Variants in SCARB2 observed in about 807,000 individuals in gnomAD.
The protein encoded by SCARB2 is scavenger receptor class B member 2, also known as lysosome membrane protein 2.
In SCARB2, 29 loss-of-function variants were observed where a neutral mutation model predicts 58.6. That is an observed-to-expected ratio of 0.49 (90% CI 0.37 to 0.67). The LOEUF is 0.67. Ranked by LOEUF, SCARB2 falls within the 30% of genes least tolerant of loss-of-function variation. SCARB2 has a pLI of 0.00. For missense variants in SCARB2, 488 were observed against 578.5 expected, an observed-to-expected ratio of 0.84 and a Z score of 1.60; for synonymous variants, 195 against 210.1, an observed-to-expected ratio of 0.93 and a Z score of 0.62.
In SCARB2 at chr4:76,161,728, G is replaced by A; in HGVS notation, c.1422C>T (p.Pro474=). 1.2e-6 allele frequency: 2 copies of A among 1,614,136 alleles called. No individual in the cohort carries two copies. Among genetic ancestry groups the A allele is most frequent in the Non-Finnish European group, 1.7e-6 (2 of 1,180,032 alleles). The change falls in exon 12 of 12, where the codon CCC becomes CCT. Residue 474 remains proline (P), a synonymous_variant. Transcript: ENST00000264896. ...MDEGTADERA[P]LIRT The stretch of plus-strand genomic sequence containing the variant: ...AAGGCAATGTTTAGGTTCGAATGAG[G>A]GGTGCTCTTTCATCCGCTGTTCCCT...
chr4:76,229,817 A>G (rs901925358), intron 1 of SCARB2, among the ~76,000 whole-genome samples: 5 of 152,184 alleles, frequency 3.3e-5, no homozygotes, highest in African/African-American at 1.2e-4. Context: ...GATGCTGGTT[A>G]TGCTAGCAGT....
At chr4:76,186,997 CTT>C (rs2109953839) in intron 2 of SCARB2, among the ~76,000 whole-genome samples, 1 of 151,830 alleles carries the variant, frequency 6.6e-6, no homozygotes, top group South Asian at 2.1e-4. Context: ...TTTGTTGTCT[CTT>C]TATGTTAAAA....
chr4:76,169,835 T>C (rs1382943808), intron 8 of SCARB2, 32 bp downstream of exon 8: 9 of 1,494,590 alleles, frequency 6.0e-6, no homozygotes, highest in Admixed American at 1.7e-5. Context: ...ATAAAACATA[T>C]GCTCTTTTAC....
intron 4 of SCARB2, among the ~76,000 whole-genome samples, chr4:76,177,882 G>A (rs1288481472): frequency 6.6e-6 from 1 of 152,188 alleles, no homozygotes; most frequent in Non-Finnish European, 1.5e-5. Context: ...GAGTAAGACA[G>A]GAATAGGAGT....
chr4:76,231,480 T>C (rs550277602), intron 1 of SCARB2, among the ~76,000 whole-genome samples: 22 of 152,278 alleles, frequency 1.4e-4, no homozygotes, highest in African/African-American at 5.1e-4. Context: ...AAATATATGA[T>C]AGGTTTTGAA....
At chr4:76,215,942 A>G (rs150563545), upstream of SCARB2, among the ~76,000 whole-genome samples, 955 of 152,304 alleles carry the variant, frequency 6.3e-3, 5 homozygotes, top group Middle Eastern at 0.031. Context: ...TAGGTTACTC[A>G]GTAGATAACT....
intron 1 of SCARB2, among the ~76,000 whole-genome samples, chr4:76,212,477 T>C (rs778404455): frequency 1.6e-4 from 24 of 152,230 alleles, no homozygotes; most frequent in Non-Finnish European, 3.4e-4. Flanking sequence ...TGATTCAAAG[T>C]AGACTAGGCC....
chr4:76,218,943 A>G (rs555578383), intron 1 of SCARB2, among the ~76,000 whole-genome samples: 45 of 152,310 alleles, frequency 3.0e-4, no homozygotes, highest in African/African-American at 1.0e-3. Flanking sequence ...ACAATGCCCT[A>G]TGATGTAGAC....
chr4:76,223,821 A>G (rs866466935), intron 1 of SCARB2, among the ~76,000 whole-genome samples: 23 of 151,882 alleles, frequency 1.5e-4, no homozygotes, highest in African/African-American at 5.6e-4. Context: ...CACTAAAAGG[A>G]GAGTGTCCCT....
intron 1 of SCARB2, among the ~76,000 whole-genome samples, chr4:76,197,673 G>A (rs1158207500): frequency 6.6e-6 from 1 of 152,138 alleles, no homozygotes; most frequent in Non-Finnish European, 1.5e-5. Flanking sequence ...ATGGAGAAAA[G>A]CCTTGTATTT....
chr4:76,186,800 A>G (rs1047284961), intron 2 of SCARB2, among the ~76,000 whole-genome samples: 1 of 150,238 alleles, frequency 6.7e-6, no homozygotes, highest in African/African-American at 2.4e-5. Context: ...ATCTTTTTCT[A>G]TTTTTTTTTA....
intron 7 of SCARB2, among the ~76,000 whole-genome samples, chr4:76,170,254 GAAGTTA>G (rs1732100939): frequency 6.6e-6 from 1 of 152,054 alleles, no homozygotes; most frequent in Non-Finnish European, 1.5e-5. Context: ...AATATTTACT[GAAGTTA>G]AAGTATAAGT....
intron 10 of SCARB2, chr4:76,163,753 C>T (rs1436023914): frequency 3.0e-6 from 1 of 337,904 alleles, no homozygotes; most frequent in Non-Finnish European, 5.7e-6. Flanking sequence ...TAGTCAAAGG[C>T]CTCCTCCCTA....
intron 1 of SCARB2, among the ~76,000 whole-genome samples, chr4:76,233,197 C>T (rs1733522235): frequency 1.3e-5 from 2 of 152,092 alleles, no homozygotes; most frequent in African/African-American, 4.8e-5. Flanking sequence ...AATTTAAAAC[C>T]TGGTAAGTTG....
chr4:76,222,630 G>C (rs566731152), intron 1 of SCARB2, among the ~76,000 whole-genome samples: 55 of 152,260 alleles, frequency 3.6e-4, no homozygotes, highest in African/African-American at 1.3e-3. Context: ...GAGGGTTTTG[G>C]TCCTTCACAT....
intron 2 of SCARB2, among the ~76,000 whole-genome samples, chr4:76,185,906 G>A (rs1261397398): frequency 6.6e-6 from 1 of 152,130 alleles, no homozygotes; most frequent in East Asian, 1.9e-4. Flanking sequence ...GTAAAATGGA[G>A]GTAATAACGT....
chr4:76,178,536 T>C (rs1216382200), intron 4 of SCARB2, among the ~76,000 whole-genome samples: 1 of 152,246 alleles, frequency 6.6e-6, no homozygotes, highest in African/African-American at 2.4e-5. Flanking sequence ...AACCTTTGCA[T>C]AATATCTCTC....
chr4:76,230,696 G>A (rs1351060519), intron 1 of SCARB2, among the ~76,000 whole-genome samples: 1 of 152,006 alleles, frequency 6.6e-6, no homozygotes. Context: ...TTCCATCCCC[G>A]AGTCCAGGCG....
chr4:76,188,611 C>G (rs932143404), intron 2 of SCARB2, among the ~76,000 whole-genome samples: 1 of 152,220 alleles, frequency 6.6e-6, no homozygotes, highest in Non-Finnish European at 1.5e-5. Context: ...CCCAGGCCCC[C>G]TGGCATACAA....
Sources: gnomAD v4.1 joint callset for allele counts (sites outside exome capture counted in the v4.1 genomes callset) on GRCh38, gnomAD v4.1.1 for gene constraint, MANE v1.5 for transcripts, NCBI Gene and HGNC (gene_info 2026-07-23, HGNC 2026-07-21) for gene names.